CSMD3: variants seen among roughly 807,000 people sequenced by gnomAD.
The protein encoded by CSMD3 is CUB and Sushi multiple domains 3, also known as CUB and sushi domain-containing protein 3.
Under a neutral mutation model 435.2 loss-of-function variants are expected in CSMD3, and 177 were observed. That is an observed-to-expected ratio of 0.41 (90% CI 0.36 to 0.46). The LOEUF is 0.46. CSMD3 is among the 20% of genes least tolerant of loss of function. CSMD3 has a pLI of 0.34. For synonymous variants in CSMD3, 1,656 were observed against 1,520.5 expected (o/e 1.09, Z -2.07); for missense variants, 4,265 against 4,504.6 (o/e 0.95, Z 1.52).
intron 5 of CSMD3, among the ~76,000 whole-genome samples, chr8:113,096,164 G>C (rs1451660988): frequency 6.6e-6 from 1 of 151,992 alleles, no homozygotes; most frequent in Non-Finnish European, 1.5e-5. Flanking sequence ...ATATCCAACT[G>C]TCCCCTTGAA....
chr8:113,009,846 A>G (rs373649118), intron 6 of CSMD3, among the ~76,000 whole-genome samples: 9 of 151,874 alleles, frequency 5.9e-5, no homozygotes, highest in East Asian at 3.9e-4. Context: ...GAGTTTTTCA[A>G]TAACAGCCGG....
intron 40 of CSMD3, among the ~76,000 whole-genome samples, chr8:112,349,268 T>A (rs780440646): frequency 2.3e-4 from 35 of 152,104 alleles, no homozygotes; most frequent in Non-Finnish European, 4.3e-4. Context: ...AAATTCAAAT[T>A]TTGTTTGTTT....
At position 112,295,926 on chromosome 8, in the gene CSMD3, A is replaced by G. The variant is rs778914120; in HGVS notation, c.8521T>C (p.Tyr2841His). Residue 2841 changes from tyrosine (Y) to histidine (H), a missense_variant, in exon 54 of 71, where the codon TAT becomes CAT. Coordinates refer to ENST00000297405, the MANE Select transcript of CSMD3 (RefSeq NM_198123.2). Reference sequence around the variant, plus strand: ...AATCGAAAACCAGGATTACATTGATATACAACTGTGTCTCTATATCCATAA... The same window carrying G: ...AATCGAAAACCAGGATTACATTGATGTACAACTGTGTCTCTATATCCATAA... ...ENYGYRDTVV[Y>H]QCNPGFRLIG... 1 of 1,613,574 alleles carries G rather than the reference A, an allele frequency of 6.2e-7. No individual in the cohort carries two copies. Among genetic ancestry groups the G allele is most frequent in the South Asian group, 1.1e-5 (1 of 91,078 alleles).
In CSMD3 at chr8:112,304,784, C is replaced by A. The variant is rs1821262271; in HGVS notation, c.8203G>T (p.Ala2735Ser). 6.2e-7 allele frequency: 1 copy of A among 1,613,750 alleles called. No homozygotes were observed. The highest frequency in any genetic ancestry group is 1.3e-5 in the African/African-American group (1 of 74,910). The change falls in exon 52 of 71, where the codon GCC becomes TCC. Residue 2735 changes from alanine (A) to serine (S), a missense_variant. By Grantham distance (99) the Ala-to-Ser change is moderately conservative (BLOSUM62 1). Coordinates refer to ENST00000297405, the MANE Select transcript of CSMD3 (RefSeq NM_198123.2). The stretch of plus-strand genomic sequence containing the variant: ...CCATTAGGAAGACATTCGATGGAGG[C>A]AGGACCTAGTCCATGATAACCAGGG... The part of the protein sequence containing the change: ...CDPGYHGLGP[A>S]SIECLPNGTW...
chr8:112,791,570 T>C (rs572861813), intron 13 of CSMD3, among the ~76,000 whole-genome samples: 2 of 152,284 alleles, frequency 1.3e-5, no homozygotes, highest in East Asian at 1.9e-4. Context: ...GAGTATTTTC[T>C]TTTTTATTGA....
At chr8:113,229,384 T>C (rs1353959046) in intron 3 of CSMD3, among the ~76,000 whole-genome samples, 3 of 151,688 alleles carry the variant, frequency 2.0e-5, no homozygotes, top group Non-Finnish European at 3.0e-5. Context: ...TCAGTCACTT[T>C]GCTTAAATAA....
intron 5 of CSMD3, among the ~76,000 whole-genome samples, chr8:113,071,427 T>G (rs2089114086): frequency 6.6e-6 from 1 of 151,986 alleles, no homozygotes; most frequent in African/African-American, 2.4e-5. Context: ...CTATGTTTTC[T>G]TCTAGTAGTT....
chr8:112,366,408 T>A (rs1273750636), intron 38 of CSMD3, among the ~76,000 whole-genome samples: 2 of 152,132 alleles, frequency 1.3e-5, no homozygotes, highest in Non-Finnish European at 2.9e-5. Context: ...TTGTTTTGTG[T>A]TGTTTTGAAA....
chr8:112,412,907 T>A (rs371455197), intron 32 of CSMD3, among the ~76,000 whole-genome samples: 1 of 152,142 alleles, frequency 6.6e-6, no homozygotes, highest in African/African-American at 2.4e-5. Context: ...CATGAAAAGA[T>A]GTTAGGCTGG....
intron 42 of CSMD3, among the ~76,000 whole-genome samples, chr8:112,340,428 TAAC>T (rs931795524): frequency 1.3e-5 from 2 of 152,172 alleles, no homozygotes; most frequent in Non-Finnish European, 2.9e-5. Flanking sequence ...ATCTCTATCT[TAAC>T]TACTTTCAAA....
At chr8:113,181,020 GTTATTA>G (rs566490362) in intron 3 of CSMD3, among the ~76,000 whole-genome samples, 2 of 151,660 alleles carry the variant, frequency 1.3e-5, no homozygotes, top group Non-Finnish European at 2.9e-5. Context: ...TATGTTATTT[GTTATTA>G]TTATTATTAT....
At chr8:112,939,579 C>T (rs2083388213) in intron 9 of CSMD3, among the ~76,000 whole-genome samples, 1 of 151,928 alleles carries the variant, frequency 6.6e-6, no homozygotes, top group African/African-American at 2.4e-5. Context: ...AAATCCCACG[C>T]TTTTACAGAT....
intron 3 of CSMD3, among the ~76,000 whole-genome samples, chr8:113,220,387 A>C (rs2092952945): frequency 6.6e-6 from 1 of 151,452 alleles, no homozygotes; most frequent in Admixed American, 6.6e-5. Context: ...TTTAGTTAAG[A>C]CAGTCACAAG....
chr8:112,628,625 G>A (rs947146394), intron 22 of CSMD3, among the ~76,000 whole-genome samples: 2 of 152,116 alleles, frequency 1.3e-5, no homozygotes, highest in Non-Finnish European at 2.9e-5. Flanking sequence ...AAGTAAAGGA[G>A]TTTTGTCGAT....
At chr8:113,152,555 A>G (rs916979094) in intron 4 of CSMD3, among the ~76,000 whole-genome samples, 1 of 152,126 alleles carries the variant, frequency 6.6e-6, no homozygotes, top group Non-Finnish European at 1.5e-5. Flanking sequence ...CCTAAGCTTT[A>G]AATAGAATTA....
At chr8:113,044,380 T>C (rs1475366400) in intron 5 of CSMD3, among the ~76,000 whole-genome samples, 1 of 143,236 alleles carries the variant, frequency 7.0e-6, no homozygotes, top group Non-Finnish European at 1.6e-5. Context: ...TAATAGGTAG[T>C]AGTCATTCAA....
intron 1 of CSMD3, among the ~76,000 whole-genome samples, chr8:113,336,609 T>C (rs1459719996): frequency 6.6e-6 from 1 of 152,122 alleles, no homozygotes; most frequent in Non-Finnish European, 1.5e-5. Flanking sequence ...AGGGGAGGAT[T>C]ACCTCATTGC....
At chr8:113,003,756 C>T (rs896619634) in intron 6 of CSMD3, among the ~76,000 whole-genome samples, 21 of 151,890 alleles carry the variant, frequency 1.4e-4, no homozygotes, top group African/African-American at 5.1e-4. Context: ...ATTGCAGAAA[C>T]ATGATTCTAC....
chr8:113,127,907 A>G (rs1234932320), intron 4 of CSMD3, among the ~76,000 whole-genome samples: 1 of 152,048 alleles, frequency 6.6e-6, no homozygotes, highest in African/African-American at 2.4e-5. Flanking sequence ...TCATTTAGTC[A>G]AACACTTCAA....
Sources: gnomAD v4.1 joint callset for allele counts (sites outside exome capture counted in the v4.1 genomes callset) on GRCh38, gnomAD v4.1.1 for gene constraint, MANE v1.5 for transcripts, NCBI Gene and HGNC (gene_info 2026-07-23, HGNC 2026-07-21) for gene names.